Variants in MAGI2 observed in about 807,000 individuals in gnomAD.
MAGI2 encodes membrane associated guanylate kinase, WW and PDZ domain containing 2, also known as membrane-associated guanylate kinase, WW and PDZ domain-containing protein 2.
Under a neutral mutation model 133.3 loss-of-function variants are expected in MAGI2, and 35 were observed. That is an observed-to-expected ratio of 0.26 (90% confidence interval 0.20 to 0.35). The LOEUF is 0.35. Ranked by LOEUF, MAGI2 falls within the 10% of genes least tolerant of loss-of-function variation. The pLI is 1.00. For missense variants in MAGI2, 1,636 were observed against 1,863.4 expected (o/e 0.88, Z 2.25); for synonymous variants, 729 against 710.6 (o/e 1.03, Z -0.41).
rs147285440 is a variant in MAGI2, at chr7:79,059,088, G to A, written c.302-51882C>T. On this transcript the variant is annotated intron_variant, in intron 1 of 21. Transcript: ENST00000354212. ...ATTAGGTTGGTGCATTACCTTTAAC[G>A]GCAAAAACTGCAATTACTTTTGCAC... Among the ~76,000 whole-genome samples the A allele has an allele frequency of 2.4e-4, 37 of 151,770 alleles. 1 individual carries two copies. The highest frequency in any genetic ancestry group is 6.8e-3 in the Middle Eastern group (2 of 294).
intron 11 of MAGI2, among the ~76,000 whole-genome samples, chr7:78,200,086 A>C (rs1829098924): frequency 6.6e-6 from 1 of 152,212 alleles, no homozygotes; most frequent in Non-Finnish European, 1.5e-5. Context: ...ATGCATCCTT[A>C]AGTGATTTGC....
intron 1 of MAGI2, among the ~76,000 whole-genome samples, chr7:79,419,564 G>T (rs1846788881): frequency 6.6e-6 from 1 of 151,974 alleles, no homozygotes; most frequent in Non-Finnish European, 1.5e-5. Context: ...TGGCTCAAAT[G>T]ACAACAGACA....
intron 12 of MAGI2, among the ~76,000 whole-genome samples, chr7:78,188,333 G>A (rs896691444): frequency 2.6e-5 from 4 of 152,068 alleles, no homozygotes; most frequent in African/African-American, 9.7e-5. Context: ...CAATATAACG[G>A]CAAAGTAATG....
intron 3 of MAGI2, among the ~76,000 whole-genome samples, chr7:78,596,145 T>TGAAGGAAGGAAGGGAGGGAGG: frequency 1.1e-5 from 1 of 93,074 alleles, no homozygotes; most frequent in Admixed American, 1.6e-4. Flanking sequence ...AGGGAAAGAA[T>TGAAGGAAGGAAGGGAGGGAGG]GAAGGAAGGA....
chr7:78,115,991 A>G (rs1819831372), intron 20 of MAGI2, among the ~76,000 whole-genome samples: 1 of 152,160 alleles, frequency 6.6e-6, no homozygotes. Context: ...TCTATACAAC[A>G]CAGCACTCAA....
intron 2 of MAGI2, among the ~76,000 whole-genome samples, chr7:78,823,540 G>A (rs1249082586): frequency 1.4e-5 from 2 of 140,058 alleles, no homozygotes; most frequent in East Asian, 2.1e-4. Flanking sequence ...CCCGGATCGC[G>A]CCACTGCACT....
intron 2 of MAGI2, among the ~76,000 whole-genome samples, chr7:78,831,043 T>C (rs553428100): frequency 1.5e-4 from 23 of 150,832 alleles, no homozygotes; most frequent in African/African-American, 5.1e-4. Flanking sequence ...TAACATTTGG[T>C]TGGAAGTAGA....
intron 9 of MAGI2, among the ~76,000 whole-genome samples, chr7:78,280,921 C>G (rs1363444980): frequency 6.6e-6 from 1 of 151,108 alleles, no homozygotes; most frequent in Non-Finnish European, 1.5e-5. Context: ...CACCAGTTCA[C>G]TCTATGGAGG....
At chr7:78,178,932 AT>A (rs999456710) in intron 13 of MAGI2, among the ~76,000 whole-genome samples, 2 of 152,202 alleles carry the variant, frequency 1.3e-5, no homozygotes, top group Admixed American at 1.3e-4. Flanking sequence ...CCTGAATGTC[AT>A]TTTTTCAGCC....
chr7:78,145,581 G>A (rs1823224842), intron 16 of MAGI2, among the ~76,000 whole-genome samples: 3 of 152,078 alleles, frequency 2.0e-5, no homozygotes, highest in African/African-American at 7.2e-5. Flanking sequence ...ATTATAAAAG[G>A]GCAAATTTGG....
At chr7:79,204,470 A>G (rs1828871615) in intron 1 of MAGI2, among the ~76,000 whole-genome samples, 1 of 152,106 alleles carries the variant, frequency 6.6e-6, no homozygotes, top group African/African-American at 2.4e-5. Flanking sequence ...ACCCCAGCAC[A>G]GCATTTGCAC....
intron 2 of MAGI2, among the ~76,000 whole-genome samples, chr7:78,872,078 G>A (rs1584233662): frequency 6.8e-6 from 1 of 148,074 alleles, no homozygotes; most frequent in Non-Finnish European, 1.5e-5. Context: ...TATACTTATG[G>A]AATACTTTTA....
intron 1 of MAGI2, among the ~76,000 whole-genome samples, chr7:79,394,256 C>G (rs1000159916): frequency 1.3e-5 from 2 of 152,086 alleles, no homozygotes; most frequent in Middle Eastern, 3.2e-3. Context: ...AACATGAGCC[C>G]CTATGCTTAG....
rs958113310 is a variant in MAGI2 at position 79,199,083 on chromosome 7, C to G, written c.302-191877G>C. ...TAAACAAATGACAAATTAAACATTA[C>G]GAAATCCACAAACTATCTAATTTAA... On this transcript the variant is annotated intron_variant, in intron 1 of 21. Coordinates refer to ENST00000354212, the MANE Select transcript of MAGI2 (RefSeq NM_012301.4). Among the ~76,000 whole-genome samples, 56 of 151,916 alleles carry G rather than the reference C, an allele frequency of 3.7e-4. 1 individual carries two copies. Among genetic ancestry groups the G allele is most frequent in the African/African-American group, 1.3e-3 (52 of 41,328 alleles).
At chr7:79,147,849 C>G (rs1446040561) in intron 1 of MAGI2, among the ~76,000 whole-genome samples, 1 of 152,178 alleles carries the variant, frequency 6.6e-6, no homozygotes, top group Non-Finnish European at 1.5e-5. Context: ...GTGCAGATCA[C>G]CTCCTTGTCC....
At chr7:78,564,767 T>A (rs1370554411) in intron 3 of MAGI2, among the ~76,000 whole-genome samples, 2 of 145,042 alleles carry the variant, frequency 1.4e-5, no homozygotes, top group African/African-American at 5.0e-5. Context: ...TTACTTCATC[T>A]CATCTCTTTG....
At chr7:78,088,127 G>A (rs536771258) in intron 20 of MAGI2, among the ~76,000 whole-genome samples, 67 of 152,242 alleles carry the variant, frequency 4.4e-4, no homozygotes, top group African/African-American at 1.5e-3. Flanking sequence ...CTGTATGAGT[G>A]TTATTTCTCT....
Position 79,390,125 on chromosome 7 carries a change from G to T in MAGI2, c.301+62895C>A, listed in dbSNP as rs150961563. Reference sequence around the variant, plus strand: ...GAAGACAGCAGGTATAAATAAATTAGGAGTTTCCCATATGGCCACCAGTCA... The same window carrying T: ...GAAGACAGCAGGTATAAATAAATTATGAGTTTCCCATATGGCCACCAGTCA... On this transcript the variant is annotated intron_variant, in intron 1 of 21. Coordinates refer to ENST00000354212, the MANE Select transcript of MAGI2 (RefSeq NM_012301.4). 2.0e-5 allele frequency among the ~76,000 whole-genome samples: 3 copies of T among 152,248 alleles called. No individual in the cohort carries two copies. The East Asian group carries it at 5.8e-4, about 29-fold the overall frequency.
chr7:78,784,977 C>T (rs1418414946), intron 2 of MAGI2, among the ~76,000 whole-genome samples: 5 of 152,254 alleles, frequency 3.3e-5, no homozygotes, highest in South Asian at 4.1e-4. Context: ...TCTTGTTAGG[C>T]GTGCATGGTG....
Sources: allele counts gnomAD v4.1 joint callset (sites outside exome capture counted in the v4.1 genomes callset), GRCh38; gene constraint gnomAD v4.1.1; transcripts MANE v1.5; gene names NCBI Gene and HGNC (gene_info 2026-07-23, HGNC 2026-07-21).